The following SMYD3 variants were observed in gnomAD, a reference collection of about 807,000 sequenced individuals.
SMYD3 encodes histone-lysine N-methyltransferase SMYD3.
A neutral mutation model predicts 57.7 loss-of-function variants in SMYD3; 36 were observed. The observed-to-expected ratio is 0.62, with a 90% CI of 0.48 to 0.82. The LOEUF is 0.82. Ranked by LOEUF, SMYD3 falls within the 40% of genes least tolerant of loss-of-function variation. The pLI is 0.00. For synonymous variants in SMYD3, 211 were observed against 195.0 expected, an observed-to-expected ratio of 1.08 and a Z score of -0.68; for missense variants, 515 against 538.8, an observed-to-expected ratio of 0.96 and a Z score of 0.44.
chr1:246,174,891 A>G (rs769767831), intron 5 of SMYD3, among the ~76,000 whole-genome samples: 1 of 152,214 alleles, frequency 6.6e-6, no homozygotes, highest in Non-Finnish European at 1.5e-5. Flanking sequence ...TCTGATCACC[A>G]GTCGATGAAT....
intron 1 of SMYD3, among the ~76,000 whole-genome samples, chr1:246,448,149 A>G (rs2067575440): frequency 6.6e-6 from 1 of 152,198 alleles, no homozygotes. Context: ...CCCGGAAGGC[A>G]GAGGCGGCAT....
intron 8 of SMYD3, among the ~76,000 whole-genome samples, chr1:245,889,864 C>A (rs970909227): frequency 1.3e-5 from 2 of 152,146 alleles, no homozygotes; most frequent in African/African-American, 4.8e-5. Context: ...GTAACCAAAA[C>A]AGCATGGTAC....
chr1:246,441,901 C>T (rs762662574), intron 1 of SMYD3, among the ~76,000 whole-genome samples: 25 of 152,212 alleles, frequency 1.6e-4, no homozygotes, highest in Admixed American at 1.4e-3. Flanking sequence ...CGTGAACTTA[C>T]GCGCCCCACC....
At chr1:245,791,050 G>C (rs2047246741) in intron 10 of SMYD3, among the ~76,000 whole-genome samples, 1 of 152,140 alleles carries the variant, frequency 6.6e-6, no homozygotes, top group Admixed American at 6.5e-5. Context: ...GGAGAAAGGA[G>C]GAGGCCATGG....
At chr1:246,308,264 G>A (rs2065019771) in intron 5 of SMYD3, among the ~76,000 whole-genome samples, 2 of 152,198 alleles carry the variant, frequency 1.3e-5, no homozygotes, top group South Asian at 4.1e-4. Context: ...TTCTCCACAT[G>A]GTGCTGTGAA....
intron 5 of SMYD3, among the ~76,000 whole-genome samples, chr1:246,000,295 G>A (rs903407573): frequency 3.9e-5 from 6 of 152,060 alleles, no homozygotes; most frequent in African/African-American, 1.4e-4. Context: ...GATAAGTGTC[G>A]GTTTTTTTCT....
At chr1:245,947,471 C>T (rs1045364742) in intron 5 of SMYD3, 3 of 454,754 alleles carry the variant, frequency 6.6e-6, no homozygotes, top group Non-Finnish European at 1.3e-5. Context: ...CCCATGTCAC[C>T]GTATTTTAAA....
At chr1:245,822,900 G>C (rs2049255582) in intron 10 of SMYD3, among the ~76,000 whole-genome samples, 1 of 152,210 alleles carries the variant, frequency 6.6e-6, no homozygotes, top group Non-Finnish European at 1.5e-5. Flanking sequence ...CTGCATCCAA[G>C]TGAGTCCTTA....
At position 246,507,278 on chromosome 1, in the gene SMYD3, C is replaced by T. The variant is rs1333820259; in HGVS notation, c.-61G>A. The T allele has an allele frequency of 7.8e-6, 11 of 1,416,142 alleles. No individual in the cohort carries two copies. Among genetic ancestry groups the T allele is most frequent in the East Asian group, 3.0e-5 (1 of 33,742 alleles). The allele number at this position is 1,416,142 out of a possible 1,614,324, so 87.7% of individuals were successfully genotyped here. A position where few individuals can be genotyped will look rare whatever the true frequency, so the allele number is the denominator to read the frequency against. On this transcript the variant is annotated 5_prime_UTR_variant, in exon 1 of 12. Transcript: ENST00000490107. ...CGTCCAGCAGCGGGCGTCTCACGGG[C>T]TGCCGGGACCCGCGCGCCTGCGCCC... is the stretch of plus-strand genomic sequence containing the variant.
chr1:245,815,046 C>T (rs776874487), intron 10 of SMYD3, among the ~76,000 whole-genome samples: 1 of 152,312 alleles, frequency 6.6e-6, no homozygotes, highest in Admixed American at 6.5e-5. Context: ...AAAGCCAGAG[C>T]AGGACAATGG....
chr1:246,118,645 T>G (rs1343845170), intron 5 of SMYD3, among the ~76,000 whole-genome samples: 1 of 152,178 alleles, frequency 6.6e-6, no homozygotes, highest in African/African-American at 2.4e-5. Flanking sequence ...TCTTTGTAAA[T>G]CAACATCTGA....
At chr1:246,039,233 A>G (rs1248697259) in intron 5 of SMYD3, among the ~76,000 whole-genome samples, 1 of 152,242 alleles carries the variant, frequency 6.6e-6, no homozygotes, top group African/African-American at 2.4e-5. Context: ...TGGCAATTGT[A>G]GTCGGTTGCT....
chr1:246,079,439 G>A (rs933471038), intron 5 of SMYD3, among the ~76,000 whole-genome samples: 2 of 152,162 alleles, frequency 1.3e-5, no homozygotes, highest in Non-Finnish European at 2.9e-5. Flanking sequence ...TTAGAAATAT[G>A]ATAAATTTAA....
At chr1:246,463,321 A>C (rs1392689043) in intron 1 of SMYD3, among the ~76,000 whole-genome samples, 1 of 152,202 alleles carries the variant, frequency 6.6e-6, no homozygotes, top group African/African-American at 2.4e-5. Flanking sequence ...TGAAATCAAC[A>C]GGATTGCAGT....
At chr1:245,890,150 C>T (rs1247156580) in intron 8 of SMYD3, among the ~76,000 whole-genome samples, 2 of 152,126 alleles carry the variant, frequency 1.3e-5, no homozygotes, top group Non-Finnish European at 2.9e-5. Context: ...ACTGGGGAAA[C>T]TCTCCAGGAC....
chr1:246,071,974 G>A (rs10924487), intron 5 of SMYD3, among the ~76,000 whole-genome samples: 51 of 121,042 alleles, frequency 4.2e-4, no homozygotes, highest in South Asian at 2.8e-3. Context: ...GGAGGGATTC[G>A]TGTGCTTTCC....
chr1:246,436,007 T>G (rs950782301), intron 1 of SMYD3, among the ~76,000 whole-genome samples: 2 of 152,174 alleles, frequency 1.3e-5, no homozygotes, highest in Non-Finnish European at 2.9e-5. Flanking sequence ...TACTCAACAT[T>G]TCCTGGGTCA....
chr1:246,385,891 G>A (rs1367312380), intron 1 of SMYD3, among the ~76,000 whole-genome samples: 1 of 151,946 alleles, frequency 6.6e-6, no homozygotes, highest in Admixed American at 6.6e-5. Flanking sequence ...GAAGGCAGTA[G>A]AACACATACA....
intron 5 of SMYD3, among the ~76,000 whole-genome samples, chr1:245,979,348 C>A (rs2058538580): frequency 6.6e-6 from 1 of 152,086 alleles, no homozygotes; most frequent in Admixed American, 6.6e-5. Context: ...GAAGTCTTAA[C>A]CCCCAGTACC....
Sources: allele counts gnomAD v4.1 joint callset (sites outside exome capture counted in the v4.1 genomes callset), GRCh38; gene constraint gnomAD v4.1.1; transcripts MANE v1.5; gene names NCBI Gene and HGNC (gene_info 2026-07-23, HGNC 2026-07-21).